HERC1: variants seen among roughly 807,000 people sequenced by gnomAD.
The protein encoded by HERC1 is HECT and RLD domain containing E3 ubiquitin protein ligase family member 1.
A neutral mutation model predicts 554.3 loss-of-function variants in HERC1; 160 were observed. That is an observed-to-expected ratio of 0.29 (90% CI 0.25 to 0.33). The LOEUF (loss-of-function observed/expected upper bound fraction) is 0.33, where lower values mean the gene tolerates loss of function less well. Among genes scored for constraint, HERC1 ranks in the 10% least tolerant of loss-of-function variants. HERC1 has a pLI of 1.00. For missense variants in HERC1, 4,919 were observed against 5,918.5 expected (o/e 0.83, Z 5.54); for synonymous variants, 2,175 against 2,131.7 (o/e 1.02, Z -0.56).
Position 63,698,823 on chromosome 15 carries a change from C to T in HERC1, c.4810G>A (p.Gly1604Arg), listed in dbSNP as rs201849193. Residue 1604 changes from glycine to arginine, a missense_variant, in exon 26 of 78, where the codon GGG (glycine) becomes AGG (arginine). Coordinates refer to ENST00000443617, the MANE Select transcript of HERC1 (RefSeq NM_003922.4). ...GGCTCTTTAAAACCTGGGGCATTCCCCACATCTCCACTCACAAAGCTTACA... is the reference window on the plus strand; with the variant it reads ...GGCTCTTTAAAACCTGGGGCATTCCTCACATCTCCACTCACAAAGCTTACA... ...NVVSFVSGDV[G>R]NAPGFKEPEE... is the part of the protein sequence containing the mutation. The T allele has an allele frequency of 6.2e-7, 1 of 1,613,888 alleles. No homozygotes were observed. The highest frequency in any genetic ancestry group is 1.1e-5 in the South Asian group (1 of 91,072).
rs533773996 is a variant in HERC1 at position 63,773,165 on chromosome 15, G to A, written c.930+1529C>T. On this transcript the variant is annotated intron_variant, in intron 2 of 77. Transcript: ENST00000443617. ...CCGAAAAGACTAATCAATGTAGGCC[G>A]GGTGTGGTGGCTCACACCTGTAATC... Among the ~76,000 whole-genome samples, 112 of 152,256 alleles carry A rather than the reference G, an allele frequency of 7.4e-4. 2 individuals carry two copies. The highest frequency in any genetic ancestry group is 2.3e-3 in the African/African-American group (95 of 41,560).
Position 63,714,613 on chromosome 15 carries a change from G to A in HERC1, c.4151-948C>T, listed in dbSNP as rs542931115. Among the ~76,000 whole-genome samples the A allele has an allele frequency of 1.6e-4, 22 of 133,430 alleles. No individual in the cohort carries two copies. The East Asian group carries it at 3.3e-3, about 20-fold the overall frequency. 87.5% of individuals were successfully genotyped at this position (133,430 alleles called of 152,430 possible). A position where few individuals can be genotyped will look rare whatever the true frequency, so the allele number is the denominator to read the frequency against. On this transcript the variant is annotated intron_variant, in intron 22 of 77. Transcript: ENST00000443617. Reference sequence around the variant, plus strand: ...CGCCCGGGCTGGAGTGCAGTGGCACGATCTCGGCTCACTGCAACCTCCACC... The same window carrying A: ...CGCCCGGGCTGGAGTGCAGTGGCACAATCTCGGCTCACTGCAACCTCCACC...
intron 32 of HERC1, among the ~76,000 whole-genome samples, chr15:63,690,026 T>C (rs984684012): frequency 2.0e-5 from 3 of 152,032 alleles, no homozygotes; most frequent in African/African-American, 7.2e-5. Context: ...TAGCCAGGCA[T>C]GGTAGCATGT....
chr15:63,715,605 G>A (rs1371274393), intron 22 of HERC1, among the ~76,000 whole-genome samples: 3 of 152,160 alleles, frequency 2.0e-5, no homozygotes, highest in Non-Finnish European at 4.4e-5. Flanking sequence ...GACAGATACA[G>A]ACAATCTCAA....
At chr15:63,746,586 G>A (rs960731234) in intron 12 of HERC1, among the ~76,000 whole-genome samples, 1 of 152,118 alleles carries the variant, frequency 6.6e-6, no homozygotes, top group African/African-American at 2.4e-5. Flanking sequence ...ACCAAGCCAT[G>A]CCCTAGGTCC....
In HERC1 at chr15:63,632,775, C is replaced by G; in HGVS notation, c.12730G>C (p.Val4244Leu). 6.4e-7 allele frequency: 1 copy of G among 1,569,838 alleles called. No homozygotes were observed. The highest frequency in any genetic ancestry group is 8.7e-7 in the Non-Finnish European group (1 of 1,155,726). Residue 4244 changes from valine (V) to leucine (L), a missense_variant, in exon 68 of 78, where the codon GTT becomes CTT. This residue lies in a region of HERC1 where 410 missense variants were observed against 467.0 expected (regional missense o/e 0.88). Transcript: ENST00000443617. ...ACAGAAAACTGAGTTCCACAAGCAA[C>G]CTTTTTTATTCCAATTCCACAAAGG... ...DVLCGIGIKKVACGTQFSVAL... is the reference protein window; with the variant it reads ...DVLCGIGIKKLACGTQFSVAL...
chr15:63,757,716 T>C (rs1244332080), intron 4 of HERC1, among the ~76,000 whole-genome samples: 1 of 152,212 alleles, frequency 6.6e-6, no homozygotes, highest in African/African-American at 2.4e-5. Context: ...GTATTTTTTA[T>C]TTATTTATTT....
chr15:63,617,009 T>C (rs962519629), intron 74 of HERC1, among the ~76,000 whole-genome samples: 3 of 152,008 alleles, frequency 2.0e-5, no homozygotes, highest in Non-Finnish European at 2.9e-5. Flanking sequence ...TCATTATCTT[T>C]TTTTTTTTTT....
intron 6 of HERC1, among the ~76,000 whole-genome samples, chr15:63,754,982 T>C (rs2075374045): frequency 6.6e-6 from 1 of 152,246 alleles, no homozygotes; most frequent in Non-Finnish European, 1.5e-5. Context: ...GTATTGCTTT[T>C]ATCCCAGAAA....
chr15:63,824,005 A>G (rs374711611), intron 1 of HERC1, among the ~76,000 whole-genome samples: 4 of 152,214 alleles, frequency 2.6e-5, no homozygotes, highest in South Asian at 2.1e-4. Context: ...ACTTGAATAG[A>G]TATTTCTCCA....
chr15:63,692,516 C>G lies in HERC1; in HGVS notation c.5725G>C (p.Val1909Leu). The G allele has an allele frequency of 6.2e-7, 1 of 1,612,978 alleles. No homozygotes were observed. The highest frequency in any genetic ancestry group is 8.5e-7 in the Non-Finnish European group (1 of 1,179,616). ...GAAGATACAACTCTGCGAAGAAAAA[C>G]TAAAAAATCCCCTAGATGGAGTTCG... ...AAELHLGDFL[V>L]FLRRVVSSKA... Residue 1909 changes from valine (V) to leucine (L), a missense_variant, in exon 31 of 78, where the codon GTT (valine) becomes CTT (leucine). Val to Leu is a conservative substitution (Grantham distance 32). Transcript: ENST00000443617. The surrounding 1 kb of genome is among the most constrained non-coding windows in gnomAD (Gnocchi z 4.7).
At chr15:63,616,733 G>A (rs2067834331) in intron 74 of HERC1, 51 bp from the exon 75 acceptor site, 1 of 1,552,804 alleles carries the variant, frequency 6.4e-7, no homozygotes, top group Admixed American at 1.7e-5. Flanking sequence ...ATTTCTATTA[G>A]AAATAAGTTA....
intron 1 of HERC1, among the ~76,000 whole-genome samples, chr15:63,825,557 G>A (rs1457672584): frequency 6.6e-6 from 1 of 152,030 alleles, no homozygotes; most frequent in Non-Finnish European, 1.5e-5. Context: ...GAAGAGACTG[G>A]TGAACAATAT....
At position 63,723,207 on chromosome 15, in the gene HERC1, G is replaced by A. The variant is rs1250981668; in HGVS notation, c.3717C>T (p.Ser1239=). The A allele has an allele frequency of 1.9e-6, 3 of 1,577,252 alleles. No homozygotes were observed. Among genetic ancestry groups the A allele is most frequent in the Admixed American group, 1.8e-5 (1 of 54,076 alleles). ...CTTTACTAACAGCATAGTCCTGCAT[G>A]CTGATCCAAAGGCTTCGGGCAGGCT... ...SKEPARSLWI[S]MQDYAVSKDW... is the part of the protein sequence containing the mutation. Residue 1239 remains serine, a synonymous_variant, in exon 19 of 78, where the codon AGC becomes AGT. Transcript: ENST00000443617.
At chr15:63,710,489 G>A (rs778731997) in intron 24 of HERC1, among the ~76,000 whole-genome samples, 28 of 152,126 alleles carry the variant, frequency 1.8e-4, no homozygotes, top group Non-Finnish European at 2.4e-4. Context: ...TACCTACCAC[G>A]TGCTATTATA....
In HERC1 at chr15:63,616,550, C is replaced by T. The variant is rs1348345598; in HGVS notation, c.13821G>A (p.Gln4607=). The part of the protein sequence containing the change: ...DLHLAPLVWK[Q]LCCVPLTLED... ...CTAGGGTGAGTGGGACACAGCACAG[C>T]TGCTTCCACACCAGAGGGGCCAAGT... The change falls in exon 75 of 78, where the codon CAG becomes CAA. Residue 4607 remains glutamine (Q), a synonymous_variant. Coordinates refer to ENST00000443617, the MANE Select transcript of HERC1 (RefSeq NM_003922.4). 2 of 1,614,020 alleles carry T rather than the reference C, an allele frequency of 1.2e-6. No individual in the cohort carries two copies. The highest frequency in any genetic ancestry group is 1.7e-6 in the Non-Finnish European group (2 of 1,179,886).
At position 63,663,282 on chromosome 15, in the gene HERC1, T is replaced by C. The variant is rs141879319; in HGVS notation, c.8681-78A>G. The C allele has an allele frequency of 7.6e-5, 89 of 1,178,754 alleles. No individual in the cohort carries two copies. The African/African-American group carries it at 1.1e-3, about 15-fold the overall frequency. The allele number at this position is 1,178,754 out of a possible 1,614,324, so 73.0% of individuals were successfully genotyped here. A position where few individuals can be genotyped will look rare whatever the true frequency, so the allele number is the denominator to read the frequency against. ...ATATTTCGCCAGTTCTTAACTGCCA[T>C]ACATGTAGGTGAGAACCTATCTCAG... On this transcript the variant is annotated intron_variant, in intron 43 of 77. Coordinates refer to ENST00000443617, the MANE Select transcript of HERC1 (RefSeq NM_003922.4).
chr15:63,673,571 T>C (rs533977621), intron 38 of HERC1, among the ~76,000 whole-genome samples: 21 of 152,324 alleles, frequency 1.4e-4, no homozygotes, highest in African/African-American at 5.1e-4. Context: ...ACTGAACGAA[T>C]CTCATTTTTA....
At chr15:63,685,822 C>T (rs2071728635) in intron 34 of HERC1, among the ~76,000 whole-genome samples, 2 of 152,222 alleles carry the variant, frequency 1.3e-5, no homozygotes, top group African/African-American at 2.4e-5. Context: ...CATGGGGGAA[C>T]TTGACTGGTA....
Sources: gnomAD v4.1 joint callset for allele counts (sites outside exome capture counted in the v4.1 genomes callset) on GRCh38, gnomAD v4.1.1 for gene constraint, gnomAD v4.1.1 regional missense constraint, Gnocchi (gnomAD v3.1) non-coding constraint, MANE v1.5 for transcripts, NCBI Gene and HGNC (gene_info 2026-07-23, HGNC 2026-07-21) for gene names.